The following SSH1 variants were observed in gnomAD, a reference collection of about 807,000 sequenced individuals.
SSH1 encodes slingshot protein phosphatase 1, also known as protein phosphatase Slingshot homolog 1.
SSH1 carries 43 observed loss-of-function variants against 79.7 expected under a neutral mutation model. The observed-to-expected ratio is 0.54, with a 90% CI of 0.42 to 0.70. The LOEUF (loss-of-function observed/expected upper bound fraction) is 0.70, where lower values mean the gene tolerates loss of function less well. Among genes scored for constraint, SSH1 ranks in the 30% least tolerant of loss-of-function variants. The probability of loss-of-function intolerance (pLI) is 0.00; values close to 1 mark genes in which losing one functional copy is unlikely to be tolerated. For missense variants in SSH1, 1,206 were observed against 1,358.8 expected (o/e 0.89, Z 1.77); for synonymous variants, 599 against 538.3 (o/e 1.11, Z -1.56).
intron 2 of SSH1, among the ~76,000 whole-genome samples, chr12:108,832,882 T>C (rs2038508090): frequency 6.6e-6 from 1 of 152,170 alleles, no homozygotes; most frequent in South Asian, 2.1e-4. Context: ...AAACACATAA[T>C]GCTGAGCATA....
chr12:108,842,564 G>A (rs962135476), intron 2 of SSH1, among the ~76,000 whole-genome samples: 1 of 152,230 alleles, frequency 6.6e-6, no homozygotes, highest in Non-Finnish European at 1.5e-5. Context: ...ACATGAAGGG[G>A]ATACGTGACA....
At chr12:108,803,930 C>T (rs1428623546) in intron 10 of SSH1, among the ~76,000 whole-genome samples, 2 of 152,192 alleles carry the variant, frequency 1.3e-5, no homozygotes, top group Non-Finnish European at 2.9e-5. Flanking sequence ...CTCTTAATTA[C>T]TTCCTACAGA....
At chr12:108,843,722 A>G (rs911750332) in intron 2 of SSH1, among the ~76,000 whole-genome samples, 27 of 152,098 alleles carry the variant, frequency 1.8e-4, no homozygotes, top group African/African-American at 6.5e-4. Flanking sequence ...TTTAGCAGAG[A>G]CAGGGTTTCA....
At chr12:108,813,756 G>A (rs1285283146) in intron 5 of SSH1, among the ~76,000 whole-genome samples, 2 of 141,824 alleles carry the variant, frequency 1.4e-5, no homozygotes, top group Admixed American at 7.0e-5. Flanking sequence ...GGGGAGGGGA[G>A]GGGAGGGGAG....
chr12:108,840,304 G>T (rs970222113), intron 2 of SSH1, among the ~76,000 whole-genome samples: 7 of 152,084 alleles, frequency 4.6e-5, no homozygotes, highest in Non-Finnish European at 8.8e-5. Context: ...GGCCGAGGTG[G>T]TTGGATTGCT....
chr12:108,824,498 G>C (rs1442185424), intron 2 of SSH1, among the ~76,000 whole-genome samples: 1 of 151,912 alleles, frequency 6.6e-6, no homozygotes. Flanking sequence ...AAAGTGGGTG[G>C]ATACTGACTT....
rs1164974662 is a variant in SSH1 at position 108,780,290 on chromosome 12, C to G, written c.*7698G>C. 1 of 152,174 alleles carries G rather than the reference C, an allele frequency of 6.6e-6. No homozygotes were observed. The highest frequency in any genetic ancestry group is 1.5e-5 in the Non-Finnish European group (1 of 68,048). The allele number at this position is 152,174 out of a possible 1,614,324, so 9.4% of individuals were successfully genotyped here. On this transcript the variant is annotated 3_prime_UTR_variant, in exon 15 of 15. Coordinates refer to ENST00000326495, the MANE Select transcript of SSH1 (RefSeq NM_018984.4). The stretch of plus-strand genomic sequence containing the variant: ...TGCGGATCCTCCCCAGCAAAACCAC[C>G]TCCACTGTAGATGTGATCTGGGATC...
intron 2 of SSH1, among the ~76,000 whole-genome samples, chr12:108,840,818 A>G (rs997426557): frequency 6.6e-6 from 1 of 152,202 alleles, no homozygotes; most frequent in Non-Finnish European, 1.5e-5. Context: ...AGCCCTGCGG[A>G]GGAGGAGGTG....
intron 6 of SSH1, among the ~76,000 whole-genome samples, chr12:108,810,803 T>C (rs1343505499): frequency 6.6e-6 from 1 of 152,206 alleles, no homozygotes; most frequent in Non-Finnish European, 1.5e-5. Context: ...AACTGGTTCA[T>C]TCCTCCTTTG....
intron 2 of SSH1, among the ~76,000 whole-genome samples, chr12:108,831,922 T>G (rs1282862720): frequency 6.6e-6 from 1 of 152,220 alleles, no homozygotes. Flanking sequence ...ACAAACCTCA[T>G]GCTTGTGGTT....
chr12:108,829,647 A>T (rs2038425272), intron 2 of SSH1, among the ~76,000 whole-genome samples: 1 of 152,202 alleles, frequency 6.6e-6, no homozygotes, highest in Non-Finnish European at 1.5e-5. Flanking sequence ...GTAGGTATAG[A>T]AACATCACAG....
At chr12:108,802,223 A>G in intron 11 of SSH1, 99 bp downstream of exon 11, 1 of 1,095,162 alleles carries the variant, frequency 9.1e-7, no homozygotes, top group East Asian at 2.4e-5. Context: ...GGTGCAGGCA[A>G]TTACAGGCAG....
intron 2 of SSH1, among the ~76,000 whole-genome samples, chr12:108,848,147 G>A (rs996949698): frequency 6.6e-6 from 1 of 152,118 alleles, no homozygotes; most frequent in Non-Finnish European, 1.5e-5. Context: ...AAGCATCAAG[G>A]GACCAGGGGG....
At chr12:108,806,222 CTTTTGCT>C in intron 9 of SSH1, 72 bp downstream of exon 9, 2 of 1,388,746 alleles carry the variant, frequency 1.4e-6, no homozygotes, top group Non-Finnish European at 2.1e-6. Context: ...GTTGGGCCTG[CTTTTGCT>C]GCACTTTCGG....
intron 2 of SSH1, among the ~76,000 whole-genome samples, chr12:108,845,659 C>T (rs1406450968): frequency 1.3e-5 from 2 of 152,182 alleles, no homozygotes; most frequent in African/African-American, 2.4e-5. Flanking sequence ...TGCACTCTAG[C>T]CTGAGCAACG....
Position 108,811,320 on chromosome 12 carries a change from C to G in SSH1, c.410G>C (p.Cys137Ser), listed in dbSNP as rs762222778. The change falls in exon 6 of 15, where the codon TGC becomes TCC. Residue 137 changes from cysteine to serine, a missense_variant. Physicochemically the swap from Cys to Ser is moderately radical, Grantham distance 112 (BLOSUM62 -1). This residue lies in a region of SSH1 where 115 missense variants were observed against 173.9 expected (regional missense o/e 0.66). Transcript: ENST00000326495. ...VDFSSKESKS[C>S]TIGMVLRLWS... is the part of the protein sequence containing the mutation. ...CAGTCGGAGAACCATCCCAATGGTG[C>G]AGCTTTTACTGCGATGGGGGAGAGA... The G allele has an allele frequency of 1.2e-6, 2 of 1,614,212 alleles. No homozygotes were observed. Among genetic ancestry groups the G allele is most frequent in the Admixed American group, 3.3e-5 (2 of 60,030 alleles).
intron 2 of SSH1, among the ~76,000 whole-genome samples, chr12:108,838,142 C>G (rs999637525): frequency 3.7e-4 from 56 of 152,138 alleles, no homozygotes; most frequent in African/African-American, 1.3e-3. Context: ...AAAACACGAC[C>G]TGTAATTTTT....
At chr12:108,806,461 T>G in intron 8 of SSH1, 67 bp from the exon 9 acceptor site, 1 of 1,397,574 alleles carries the variant, frequency 7.2e-7, no homozygotes, top group Non-Finnish European at 1.0e-6. Flanking sequence ...GTTACAGGAA[T>G]GCCAGATGCT....
In SSH1 at chr12:108,779,511, C is replaced by T. The variant is rs532128480; in HGVS notation, c.*8477G>A. 9.2e-5 allele frequency: 14 copies of T among 152,284 alleles called. No homozygotes were observed. The highest frequency in any genetic ancestry group is 3.4e-4 in the African/African-American group (14 of 41,536). The allele number at this position is 152,284 out of a possible 1,614,324, so 9.4% of individuals were successfully genotyped here. A position where few individuals can be genotyped will look rare whatever the true frequency, so the allele number is the denominator to read the frequency against. On this transcript the variant is annotated 3_prime_UTR_variant, in exon 15 of 15. Coordinates refer to ENST00000326495, the MANE Select transcript of SSH1 (RefSeq NM_018984.4). ...TGATGAGGGAGCAGTTCCTATCTGG[C>T]TTCATCAATTTTTAGATGTACCTGT...
Sources: gnomAD v4.1 joint callset for allele counts (sites outside exome capture counted in the v4.1 genomes callset) on GRCh38, gnomAD v4.1.1 for gene constraint, gnomAD v4.1.1 regional missense constraint, MANE v1.5 for transcripts, NCBI Gene and HGNC (gene_info 2026-07-23, HGNC 2026-07-21) for gene names.